Variants in CAMTA1 observed in about 807,000 individuals in gnomAD.
The protein encoded by CAMTA1 is calmodulin binding transcription activator 1, also known as calmodulin-binding transcription activator 1.
A neutral mutation model predicts 170.9 loss-of-function variants in CAMTA1; 27 were observed. That is an observed-to-expected ratio of 0.16 (90% CI 0.12 to 0.22). CAMTA1 has a LOEUF of 0.22. Among genes scored for constraint, CAMTA1 ranks in the 10% least tolerant of loss-of-function variants. The pLI is 1.00. For missense variants in CAMTA1, 1,619 were observed against 2,217.2 expected, an observed-to-expected ratio of 0.73 and a Z score of 5.42; for synonymous variants, 833 against 891.5, an observed-to-expected ratio of 0.93 and a Z score of 1.17.
chr1:7,113,274 G>A lies in CAMTA1; in HGVS notation c.302+21903G>A, dbSNP rs79338294. On this transcript the variant is annotated intron_variant, in intron 4 of 22. Coordinates refer to ENST00000303635, the MANE Select transcript of CAMTA1 (RefSeq NM_015215.4). This position sits in a 1 kb window ranked among gnomAD's most constrained non-coding sequence, Gnocchi z 4.5. The stretch of plus-strand genomic sequence containing the variant: ...TGGGGCCAGAGGATCGTGGTTGGCC[G>A]TGGGCTGGTCACTGCCATGTGGGCT... Among the ~76,000 whole-genome samples, 4,854 of 152,356 alleles carry A rather than the reference G, an allele frequency of 0.032. 117 individuals are homozygous for A. The highest frequency in any genetic ancestry group is 0.061 in the Middle Eastern group (18 of 294).
chr1:7,000,542 C>T (rs1190693437), intron 3 of CAMTA1, among the ~76,000 whole-genome samples: 1 of 152,146 alleles, frequency 6.6e-6, no homozygotes, highest in Non-Finnish European at 1.5e-5. Flanking sequence ...TGGCTGTCTC[C>T]CCACAGCCTG....
chr1:7,251,727 C>T lies in CAMTA1; in HGVS notation c.438+2101C>T, dbSNP rs1401143876. 2.6e-5 allele frequency among the ~76,000 whole-genome samples: 4 copies of T among 152,144 alleles called. No homozygotes were observed. The highest frequency in any genetic ancestry group is 5.9e-5 in the Non-Finnish European group (4 of 68,028). On this transcript the variant is annotated intron_variant, in intron 5 of 22. Coordinates refer to ENST00000303635, the MANE Select transcript of CAMTA1 (RefSeq NM_015215.4). The surrounding 1 kb of genome is among the most constrained non-coding windows in gnomAD (Gnocchi z 5.1). ...AAGTACGTGAGGGTCATCAATAGTGCTGAGACGCAGAGCAGCCTGGGCTTT... is the reference window on the plus strand; with the variant it reads ...AAGTACGTGAGGGTCATCAATAGTGTTGAGACGCAGAGCAGCCTGGGCTTT...
At chr1:6,868,526 G>A (rs1667427497) in intron 3 of CAMTA1, among the ~76,000 whole-genome samples, 1 of 151,972 alleles carries the variant, frequency 6.6e-6, no homozygotes, top group Non-Finnish European at 1.5e-5. Context: ...GGTGAAAATG[G>A]CGGCATTTCT....
intron 10 of CAMTA1, among the ~76,000 whole-genome samples, chr1:7,677,105 G>T (rs896942536): frequency 6.6e-6 from 1 of 152,178 alleles, no homozygotes; most frequent in Non-Finnish European, 1.5e-5. Flanking sequence ...CATCGGGGAA[G>T]CAGAAGAACT....
chr1:7,104,455 T>C (rs17349901), intron 4 of CAMTA1, among the ~76,000 whole-genome samples: 29,055 of 152,188 alleles, frequency 0.19, 3,047 homozygotes, highest in Middle Eastern at 0.29. Flanking sequence ...GACTTATCCT[T>C]GTCCTGTTAG....
intron 5 of CAMTA1, among the ~76,000 whole-genome samples, chr1:7,290,100 G>T (rs900264971): frequency 6.6e-6 from 1 of 152,156 alleles, no homozygotes; most frequent in Non-Finnish European, 1.5e-5. Flanking sequence ...GATATAGTGG[G>T]GAACATGTGA....
Position 7,426,517 on chromosome 1 carries a change from A to G in CAMTA1, c.439-41313A>G, listed in dbSNP as rs2091882777. Among the ~76,000 whole-genome samples the G allele has an allele frequency of 1.3e-5, 2 of 152,264 alleles. No homozygotes were observed. Among genetic ancestry groups the G allele is most frequent in the Non-Finnish European group, 2.9e-5 (2 of 68,056 alleles). On this transcript the variant is annotated intron_variant, in intron 5 of 22. Transcript: ENST00000303635. The surrounding 1 kb of genome is among the most constrained non-coding windows in gnomAD (Gnocchi z 4.8). The stretch of plus-strand genomic sequence containing the variant: ...TTAGATCAAGCGGAGGGCCCTGGCC[A>G]GGGCTGAGCAAGGCCTGATTTACAT...
At chr1:7,705,677 A>G (rs6577454) in intron 11 of CAMTA1, among the ~76,000 whole-genome samples, 139,077 of 152,190 alleles carry the variant, frequency 0.91, 63,701 homozygotes, top group East Asian at 1. Context: ...CCCTGGGCAG[A>G]CAGGTGCGAG....
intron 5 of CAMTA1, among the ~76,000 whole-genome samples, chr1:7,311,865 A>G (rs1427192917): frequency 6.6e-6 from 1 of 152,180 alleles, no homozygotes; most frequent in African/African-American, 2.4e-5. Flanking sequence ...TGTGTGCACC[A>G]TACAGTGGCC....
chr1:7,450,199 A>G (rs908829854), intron 5 of CAMTA1, among the ~76,000 whole-genome samples: 3 of 152,196 alleles, frequency 2.0e-5, no homozygotes, highest in African/African-American at 7.2e-5. Context: ...TTGATACTCC[A>G]TCCTGAAAGA....
intron 11 of CAMTA1, among the ~76,000 whole-genome samples, chr1:7,679,679 G>A (rs149782968): frequency 0.014 from 2,097 of 152,308 alleles, 23 homozygotes; most frequent in Middle Eastern, 0.075. Context: ...GAATTGGGGC[G>A]GCGATGACAT....
chr1:7,235,901 T>G (rs1663750748), intron 4 of CAMTA1, among the ~76,000 whole-genome samples: 3 of 152,208 alleles, frequency 2.0e-5, no homozygotes, highest in Admixed American at 2.0e-4. Context: ...TAAAGCAAAT[T>G]GGTGCTACCT....
rs192042850 is a variant in CAMTA1 at position 7,088,495 on chromosome 1, C to G, written c.235-2809C>G. On this transcript the variant is annotated intron_variant, in intron 3 of 22. Coordinates refer to ENST00000303635, the MANE Select transcript of CAMTA1 (RefSeq NM_015215.4). ...GCTTCAAAGTGGTCCTGTTCCCTTT[C>G]TGGTATACAGTAGATGCTCAGTAAG... is the stretch of plus-strand genomic sequence containing the variant. Among the ~76,000 whole-genome samples, 10 of 152,340 alleles carry G rather than the reference C, an allele frequency of 6.6e-5. No homozygotes were observed. In the East Asian group the frequency reaches 1.7e-3, roughly 26 times the overall value.
chr1:6,986,224 C>T (rs540695770), intron 3 of CAMTA1, among the ~76,000 whole-genome samples: 1 of 152,330 alleles, frequency 6.6e-6, no homozygotes, highest in African/African-American at 2.4e-5. Flanking sequence ...AATCTGATCC[C>T]TGCTCAGGTA....
intron 3 of CAMTA1, among the ~76,000 whole-genome samples, chr1:6,982,387 A>T (rs1694582110): frequency 6.6e-6 from 1 of 152,228 alleles, no homozygotes; most frequent in Non-Finnish European, 1.5e-5. Context: ...TGCTGGCCAC[A>T]GGCAATTGGG....
intron 3 of CAMTA1, among the ~76,000 whole-genome samples, chr1:6,933,432 G>C (rs1471896444): frequency 6.6e-6 from 1 of 152,022 alleles, no homozygotes; most frequent in African/African-American, 2.4e-5. Flanking sequence ...GCTAATTTTT[G>C]TATTTCTAGT....
intron 3 of CAMTA1, among the ~76,000 whole-genome samples, chr1:6,855,434 A>C (rs189970418): frequency 6.6e-6 from 1 of 151,842 alleles, no homozygotes; most frequent in African/African-American, 2.4e-5. Context: ...AAGGGGAAGC[A>C]GGCTTGTCTT....
chr1:6,946,708 G>A (rs1687631397), intron 3 of CAMTA1, among the ~76,000 whole-genome samples: 1 of 152,022 alleles, frequency 6.6e-6, no homozygotes, highest in Admixed American at 6.6e-5. Flanking sequence ...TATATTCTAG[G>A]TACAGATCCC....
At chr1:7,040,503 C>G (rs1028961404) in intron 3 of CAMTA1, among the ~76,000 whole-genome samples, 2 of 152,100 alleles carry the variant, frequency 1.3e-5, no homozygotes, top group Non-Finnish European at 2.9e-5. Flanking sequence ...TCATTAATTC[C>G]ATCAAGAATT....
Sources: allele counts gnomAD v4.1 joint callset (sites outside exome capture counted in the v4.1 genomes callset), GRCh38; gene constraint gnomAD v4.1.1; non-coding constraint Gnocchi (gnomAD v3.1); transcripts MANE v1.5; gene names NCBI Gene and HGNC (gene_info 2026-07-23, HGNC 2026-07-21).